Variants in PACRG observed in about 807,000 individuals in gnomAD.
PACRG encodes parkin coregulated gene protein.
A neutral mutation model predicts 29.7 loss-of-function variants in PACRG; 29 were observed. The observed-to-expected ratio is 0.98, with a 90% CI of 0.73 to 1.33. PACRG has a LOEUF of 1.33. Among genes scored for constraint, PACRG ranks in the 40% most tolerant of loss-of-function variants. The pLI is 0.00. For missense variants in PACRG, 279 were observed against 316.2 expected (o/e 0.88, Z 0.89); for synonymous variants, 116 against 118.7 (o/e 0.98, Z 0.15).
intron 1 of PACRG, among the ~76,000 whole-genome samples, chr6:162,772,161 A>G (rs1355914887): frequency 6.6e-6 from 1 of 152,232 alleles, no homozygotes; most frequent in Admixed American, 6.5e-5. Flanking sequence ...GTATGGAAAT[A>G]CTGTGTAGGC....
intron 2 of PACRG, among the ~76,000 whole-genome samples, chr6:163,014,512 A>G (rs952862974): frequency 5.4e-5 from 2 of 36,814 alleles, no homozygotes; most frequent in African/African-American, 2.5e-4. Flanking sequence ...AGTCTTGCCA[A>G]CATGTATTTT....
In PACRG at chr6:162,947,364, A is replaced by ATATAT. The variant is rs373909688; in HGVS notation, c.292-114786_292-114785insTATAT. Among the ~76,000 whole-genome samples, 89 of 55,544 alleles carry ATATAT rather than the reference A, an allele frequency of 1.6e-3. 5 individuals carry two copies. The highest frequency in any genetic ancestry group is 5.9e-3 in the African/African-American group (86 of 14,566). The allele number at this position is 55,544 out of a possible 152,430, so 36.4% of individuals were successfully genotyped here. On this transcript the variant is annotated intron_variant, in intron 2 of 4. Coordinates refer to ENST00000366888, the MANE Select transcript of PACRG (RefSeq NM_001080379.2). ...TATAATGATTACATATATATAATGT[A>ATATAT]ATCATATATAATCATATATATAATC... is the stretch of plus-strand genomic sequence containing the variant.
At chr6:163,098,332 A>G (rs1814787495) in intron 4 of PACRG, among the ~76,000 whole-genome samples, 1 of 152,134 alleles carries the variant, frequency 6.6e-6, no homozygotes, top group Non-Finnish European at 1.5e-5. Context: ...CCCTACTGCC[A>G]TTCCAGGGAC....
chr6:162,920,787 T>A (rs1409400513), intron 2 of PACRG, among the ~76,000 whole-genome samples: 2 of 152,154 alleles, frequency 1.3e-5, no homozygotes, highest in Non-Finnish European at 2.9e-5. Context: ...GCTATCAAAA[T>A]TGTGTTTTTA....
chr6:163,043,184 A>T (rs1365318709), intron 2 of PACRG: 1 of 152,234 alleles, frequency 6.6e-6, no homozygotes. Flanking sequence ...AAACAAAGTG[A>T]CAGGAGCACC....
At position 162,958,859 on chromosome 6, in the gene PACRG, A is replaced by AG. The variant is rs1417296779; in HGVS notation, c.292-103291_292-103290insG. Reference sequence around the variant, plus strand: ...TAGAGCATATATAGAGCATATATATATATATATATATATATATATATATAT... The same window carrying AG: ...TAGAGCATATATAGAGCATATATATAGTATATATATATATATATATATATAT... On this transcript the variant is annotated intron_variant, in intron 2 of 4. Coordinates refer to ENST00000366888, the MANE Select transcript of PACRG (RefSeq NM_001080379.2). 1.6e-4 allele frequency among the ~76,000 whole-genome samples: 7 copies of AG among 44,588 alleles called. No homozygotes were observed. In the South Asian group the frequency reaches 5.4e-3, roughly 35 times the overall value. The allele number at this position is 44,588 out of a possible 152,430, so 29.3% of individuals were successfully genotyped here. A position where few individuals can be genotyped will look rare whatever the true frequency, so the allele number is the denominator to read the frequency against.
At chr6:162,832,259 G>A (rs28393166) in intron 2 of PACRG, among the ~76,000 whole-genome samples, 41,940 of 152,072 alleles carry the variant, frequency 0.28, 7,848 homozygotes, top group African/African-American at 0.51. Flanking sequence ...TAATGATCGT[G>A]ATGATGATGA....
At chr6:163,115,282 CG>C (rs1471593062) in intron 4 of PACRG, among the ~76,000 whole-genome samples, 14 of 152,148 alleles carry the variant, frequency 9.2e-5, no homozygotes, top group African/African-American at 3.4e-4. Context: ...GGGGATGACT[CG>C]CTTTATCTGG....
intron 4 of PACRG, among the ~76,000 whole-genome samples, chr6:163,234,970 G>A (rs1585357090): frequency 1.3e-5 from 2 of 152,160 alleles, no homozygotes; most frequent in South Asian, 4.1e-4. Context: ...GGGTTAGACA[G>A]AGACTTGCTA....
chr6:163,144,494 T>TTCAGTGGCTCATACCTGTAA (rs1777715809), intron 4 of PACRG, among the ~76,000 whole-genome samples: 1 of 152,018 alleles, frequency 6.6e-6, no homozygotes, highest in Non-Finnish European at 1.5e-5. Flanking sequence ...ACAGGCCGGG[T>TTCAGTGGCTCATACCTGTAA]TCAGTGGCTC....
At chr6:163,248,297 T>C (rs2128171119) in intron 4 of PACRG, among the ~76,000 whole-genome samples, 1 of 152,338 alleles carries the variant, frequency 6.6e-6, no homozygotes, top group South Asian at 2.1e-4. Flanking sequence ...ATTGCTATTG[T>C]TTGTAGCATT....
intron 2 of PACRG, among the ~76,000 whole-genome samples, chr6:162,855,389 ACT>A (rs1791300539): frequency 6.6e-6 from 1 of 151,704 alleles, no homozygotes; most frequent in African/African-American, 2.4e-5. Context: ...TCTTATAGAC[ACT>A]CTTCTTTTTT....
chr6:163,171,903 G>C (rs1199773704), intron 4 of PACRG, among the ~76,000 whole-genome samples: 1 of 152,146 alleles, frequency 6.6e-6, no homozygotes, highest in African/African-American at 2.4e-5. Flanking sequence ...CAGCTGGGTG[G>C]GGAGGGGACA....
At chr6:162,733,552 C>G (rs1779935872) in intron 1 of PACRG, among the ~76,000 whole-genome samples, 1 of 152,140 alleles carries the variant, frequency 6.6e-6, no homozygotes, top group Non-Finnish European at 1.5e-5. Flanking sequence ...CTTGAGAAGG[C>G]CGAATCATGG....
Position 163,277,898 on chromosome 6 carries a change from T to C in PACRG, c.614-36929T>C, listed in dbSNP as rs114663942. Among the ~76,000 whole-genome samples the C allele has an allele frequency of 6.9e-3, 1,053 of 152,216 alleles. 14 individuals are homozygous for C. The highest frequency in any genetic ancestry group is 0.024 in the African/African-American group (984 of 41,528). ...AACCACAGATCTACTTTTAGCTCTT[T>C]AAGGAATCTCCACACTATTTTCCTT... is the stretch of plus-strand genomic sequence containing the variant. On this transcript the variant is annotated intron_variant, in intron 4 of 4. Coordinates refer to ENST00000366888, the MANE Select transcript of PACRG (RefSeq NM_001080379.2).
At chr6:163,277,598 A>G (rs905347735) in intron 4 of PACRG, among the ~76,000 whole-genome samples, 2 of 149,648 alleles carry the variant, frequency 1.3e-5, no homozygotes, top group Non-Finnish European at 3.0e-5. Context: ...ATATACATAT[A>G]CATACTTTGT....
intron 1 of PACRG, among the ~76,000 whole-genome samples, chr6:162,787,521 ATG>A (rs777013307): frequency 6.8e-4 from 92 of 134,640 alleles, no homozygotes; most frequent in East Asian, 2.1e-3. Context: ...GTGTGTGTAT[ATG>A]TGTGTGTGTG....
chr6:162,986,224 A>G (rs150794738), intron 2 of PACRG, among the ~76,000 whole-genome samples: 92 of 152,268 alleles, frequency 6.0e-4, no homozygotes, highest in Non-Finnish European at 1.2e-3. Flanking sequence ...CAAAATTCAT[A>G]TAGAACCAAA....
At chr6:163,284,710 C>T (rs143985162) in intron 4 of PACRG, among the ~76,000 whole-genome samples, 48 of 152,248 alleles carry the variant, frequency 3.2e-4, no homozygotes, top group African/African-American at 9.4e-4. Context: ...CCCCGCTCCC[C>T]GCCTCCCTTC....
Sources: gnomAD v4.1 joint callset for allele counts (sites outside exome capture counted in the v4.1 genomes callset) on GRCh38, gnomAD v4.1.1 for gene constraint, MANE v1.5 for transcripts, NCBI Gene and HGNC (gene_info 2026-07-23, HGNC 2026-07-21) for gene names.